CCBE1: variants seen among roughly 807,000 people sequenced by gnomAD.
The protein encoded by CCBE1 is collagen and calcium-binding EGF domain-containing protein 1.
Under a neutral mutation model 50.0 loss-of-function variants are expected in CCBE1, and 37 were observed. The observed-to-expected ratio is 0.74, with a 90% confidence interval of 0.57 to 0.97. The LOEUF (loss-of-function observed/expected upper bound fraction) is 0.97. CCBE1 is among the 50% of genes least tolerant of loss of function. The pLI is 0.00. For missense variants in CCBE1, 538 were observed against 523.8 expected (o/e 1.03, Z -0.26); for synonymous variants, 234 against 203.7 (o/e 1.15, Z -1.27).
chr18:59,455,257 C>T (rs1911136650), intron 5 of CCBE1: 1 of 458,512 alleles, frequency 2.2e-6, no homozygotes, highest in African/African-American at 2.0e-5. Context: ...TTTATCAGTG[C>T]TTTTCCAGAA....
At position 59,658,384 on chromosome 18, in the gene CCBE1, T is replaced by A. The variant is rs1268751225; in HGVS notation, c.212+38245A>T. ...ATATATATATATATATATATATATATATATATATATATATATATATATATA... is the reference window on the plus strand; with the variant it reads ...ATATATATATATATATATATATATAAATATATATATATATATATATATATA... On this transcript the variant is annotated intron_variant, in intron 2 of 10. Transcript: ENST00000439986. Among the ~76,000 whole-genome samples the A allele has an allele frequency of 7.2e-4, 17 of 23,522 alleles. 2 individuals are homozygous for A. In the East Asian group the frequency reaches 0.013, roughly 18 times the overall value. The allele number at this position is 23,522 out of a possible 152,430, so 15.4% of individuals were successfully genotyped here.
At chr18:59,529,158 C>A (rs769504954) in intron 2 of CCBE1, among the ~76,000 whole-genome samples, 35 of 148,028 alleles carry the variant, frequency 2.4e-4, no homozygotes, top group Non-Finnish European at 4.3e-4. Context: ...CCGTAAACCC[C>A]TGGCTGGAGT....
chr18:59,507,821 T>C (rs774287872), intron 2 of CCBE1, among the ~76,000 whole-genome samples: 1 of 152,188 alleles, frequency 6.6e-6, no homozygotes, highest in Non-Finnish European at 1.5e-5. Flanking sequence ...TTTACATCTT[T>C]CCCTGTATCC....
chr18:59,616,645 T>G lies in CCBE1; in HGVS notation c.212+79984A>C, dbSNP rs146538683. On this transcript the variant is annotated intron_variant, in intron 2 of 10. Coordinates refer to ENST00000439986, the MANE Select transcript of CCBE1 (RefSeq NM_133459.4). ...CCTAAGACCCCAGTTGCCTTTATGC[T>G]TCTCCCCCTACAAGTCAAAAGTTCG... is the stretch of plus-strand genomic sequence containing the variant. Among the ~76,000 whole-genome samples, 705 of 152,270 alleles carry G rather than the reference T, an allele frequency of 4.6e-3. 1 individual carries two copies. Among genetic ancestry groups the G allele is most frequent in the Middle Eastern group, 0.014 (4 of 294 alleles).
chr18:59,559,196 T>C (rs193115743), intron 2 of CCBE1, among the ~76,000 whole-genome samples: 1 of 152,184 alleles, frequency 6.6e-6, no homozygotes, highest in Non-Finnish European at 1.5e-5. Context: ...GAGATGGCGC[T>C]GAAGCATCTG....
In CCBE1 at chr18:59,637,102, G is replaced by A. The variant is rs532544350; in HGVS notation, c.212+59527C>T. Among the ~76,000 whole-genome samples, 195 of 152,270 alleles carry A rather than the reference G, an allele frequency of 1.3e-3. 1 individual carries two copies. The highest frequency in any genetic ancestry group is 4.5e-3 in the African/African-American group (187 of 41,560). On this transcript the variant is annotated intron_variant, in intron 2 of 10. Transcript: ENST00000439986. Reference sequence around the variant, plus strand: ...ACCTTAAGAAAAGATCAAGAATGGAGGTTATGTAAATAATCTGCACACATA... The same window carrying A: ...ACCTTAAGAAAAGATCAAGAATGGAAGTTATGTAAATAATCTGCACACATA...
At chr18:59,495,787 G>A (rs924633495) in intron 2 of CCBE1, among the ~76,000 whole-genome samples, 3 of 152,094 alleles carry the variant, frequency 2.0e-5, no homozygotes, top group Admixed American at 6.5e-5. Flanking sequence ...CAAGATGTAC[G>A]AGGGGGCACT....
chr18:59,518,243 C>T (rs1483601072), intron 2 of CCBE1, among the ~76,000 whole-genome samples: 2 of 152,228 alleles, frequency 1.3e-5, no homozygotes, highest in Non-Finnish European at 2.9e-5. Context: ...AATCCCAACA[C>T]TCTGGGAGGC....
intron 2 of CCBE1, among the ~76,000 whole-genome samples, chr18:59,576,662 A>G (rs558659058): frequency 1.3e-5 from 2 of 152,260 alleles, no homozygotes; most frequent in South Asian, 2.1e-4. Flanking sequence ...TGAGGCTTGC[A>G]TGTGGTTTCT....
At chr18:59,538,418 G>A (rs953143019) in intron 2 of CCBE1, among the ~76,000 whole-genome samples, 6 of 152,148 alleles carry the variant, frequency 3.9e-5, no homozygotes, top group Admixed American at 1.3e-4. Context: ...GAAAAGGCGC[G>A]ATGCAATGCC....
chr18:59,481,351 C>T (rs1028276091), intron 2 of CCBE1, among the ~76,000 whole-genome samples: 1 of 151,936 alleles, frequency 6.6e-6, no homozygotes, highest in Admixed American at 6.6e-5. Context: ...AGTCTAAGGT[C>T]TGGTACTTGG....
chr18:59,669,487 T>A (rs2054403443), intron 2 of CCBE1, among the ~76,000 whole-genome samples: 1 of 152,234 alleles, frequency 6.6e-6, no homozygotes. Flanking sequence ...AGGGAATATC[T>A]GTGGCTGAGA....
intron 2 of CCBE1, among the ~76,000 whole-genome samples, chr18:59,498,077 C>G (rs1461434005): frequency 6.6e-6 from 1 of 152,194 alleles, no homozygotes; most frequent in Non-Finnish European, 1.5e-5. Context: ...GAGGGAGGCA[C>G]CACGCCTAGG....
At chr18:59,493,054 T>C (rs1186801765) in intron 2 of CCBE1, among the ~76,000 whole-genome samples, 1 of 152,206 alleles carries the variant, frequency 6.6e-6, no homozygotes, top group East Asian at 1.9e-4. Flanking sequence ...TCCAGGGAGA[T>C]AGATCAGTAC....
intron 2 of CCBE1, among the ~76,000 whole-genome samples, chr18:59,545,837 A>C (rs1162662900): frequency 6.6e-6 from 1 of 152,182 alleles, no homozygotes; most frequent in African/African-American, 2.4e-5. Context: ...CCATGTAAGA[A>C]GTGCCTTTCA....
At chr18:59,658,902 A>AC (rs2054244812) in intron 2 of CCBE1, among the ~76,000 whole-genome samples, 1 of 151,466 alleles carries the variant, frequency 6.6e-6, no homozygotes, top group Admixed American at 6.6e-5. Flanking sequence ...AAAAAAAAAA[A>AC]AAAACTGTTA....
At chr18:59,559,574 C>A (rs2052705435) in intron 2 of CCBE1, among the ~76,000 whole-genome samples, 1 of 152,230 alleles carries the variant, frequency 6.6e-6, no homozygotes, top group African/African-American at 2.4e-5. Flanking sequence ...ATACCTGTTA[C>A]AGCTGGCGGA....
chr18:59,617,962 C>T (rs72964886), intron 2 of CCBE1, among the ~76,000 whole-genome samples: 41 of 152,246 alleles, frequency 2.7e-4, no homozygotes, highest in Non-Finnish European at 4.4e-4. Flanking sequence ...TCGTGCCACT[C>T]GCCTCAAAGT....
At chr18:59,517,591 T>C (rs573324631) in intron 2 of CCBE1, among the ~76,000 whole-genome samples, 2 of 152,354 alleles carry the variant, frequency 1.3e-5, no homozygotes, top group East Asian at 1.9e-4. Context: ...CCCGAAGTCA[T>C]ATGGAAGCCA....
Sources: allele counts gnomAD v4.1 joint callset (sites outside exome capture counted in the v4.1 genomes callset), GRCh38; gene constraint gnomAD v4.1.1; transcripts MANE v1.5; gene names NCBI Gene and HGNC (gene_info 2026-07-23, HGNC 2026-07-21).